DIAPH1: variants seen among roughly 807,000 people sequenced by gnomAD.
The protein encoded by DIAPH1 is protein diaphanous homolog 1.
Under a neutral mutation model 140.7 loss-of-function variants are expected in DIAPH1, and 46 were observed. That is an observed-to-expected ratio of 0.33 (90% CI 0.26 to 0.42). The LOEUF (loss-of-function observed/expected upper bound fraction) is 0.42. Among genes scored for constraint, DIAPH1 ranks in the 10% least tolerant of loss-of-function variants. The pLI is 1.00. For synonymous variants in DIAPH1, 565 were observed against 551.6 expected, an observed-to-expected ratio of 1.02 and a Z score of -0.34; for missense variants, 1,310 against 1,558.7, an observed-to-expected ratio of 0.84 and a Z score of 2.69.
intron 3 of DIAPH1, among the ~76,000 whole-genome samples, chr5:141,584,800 A>C (rs932071101): frequency 3.9e-5 from 6 of 152,202 alleles, no homozygotes; most frequent in African/African-American, 1.4e-4. Flanking sequence ...CATATATAAC[A>C]ACCATGTGTC....
chr5:141,528,337 A>T, intron 23 of DIAPH1, 116 bp downstream of exon 23: 1 of 1,470,234 alleles, frequency 6.8e-7, no homozygotes, highest in Non-Finnish European at 9.4e-7. Context: ...CCTAAATCCT[A>T]TCTCATTTCC....
chr5:141,577,212 T>G (rs2099896093), intron 12 of DIAPH1, among the ~76,000 whole-genome samples: 1 of 152,232 alleles, frequency 6.6e-6, no homozygotes, highest in African/African-American at 2.4e-5. Flanking sequence ...CACTTCTGTT[T>G]GCTAACATCT....
chr5:141,531,632 C>T (rs1181958264), intron 19 of DIAPH1, among the ~76,000 whole-genome samples: 1 of 152,084 alleles, frequency 6.6e-6, no homozygotes, highest in Non-Finnish European at 1.5e-5. Context: ...GGATTATAGG[C>T]GTGCTCCACC....
At chr5:141,602,613 C>A (rs566251939) in intron 1 of DIAPH1, among the ~76,000 whole-genome samples, 67 of 152,286 alleles carry the variant, frequency 4.4e-4, no homozygotes, top group Non-Finnish European at 6.2e-4. Flanking sequence ...CTCTAGGGTT[C>A]TGTTGTCTCA....
chr5:141,596,483 AAAATAAAT>A (rs550056548), intron 1 of DIAPH1, among the ~76,000 whole-genome samples: 50 of 152,176 alleles, frequency 3.3e-4, no homozygotes, highest in African/African-American at 1.2e-3. Context: ...AGACAATCTC[AAAATAAAT>A]AAATAAATAA....
At chr5:141,580,365 G>C (rs1281701548) in intron 8 of DIAPH1, among the ~76,000 whole-genome samples, 2 of 151,974 alleles carry the variant, frequency 1.3e-5, no homozygotes, top group Non-Finnish European at 2.9e-5. Context: ...AATAGGATTT[G>C]GCAAAGGGAT....
chr5:141,573,351 C>T lies in DIAPH1; in HGVS notation c.2358+141G>A, dbSNP rs553370194. The stretch of plus-strand genomic sequence containing the variant: ...ACGGGAGGCTGAGGCAGGAGAATGG[C>T]GTGAACCCGGGAGGCGGAGCTTGCA... On this transcript the variant is annotated intron_variant, in intron 16 of 27. Coordinates refer to ENST00000389054, the MANE Select transcript of DIAPH1 (RefSeq NM_005219.5). The T allele has an allele frequency of 4.2e-3, 4,268 of 1,007,220 alleles. 26 individuals carry two copies. Among genetic ancestry groups the T allele is most frequent in the Admixed American group, 8.9e-3 (392 of 44,088 alleles). 62.4% of individuals were successfully genotyped at this position (1,007,220 alleles called of 1,614,324 possible).
intron 19 of DIAPH1, among the ~76,000 whole-genome samples, chr5:141,530,365 T>C (rs1408748617): frequency 6.6e-6 from 1 of 152,186 alleles, no homozygotes; most frequent in Non-Finnish European, 1.5e-5. Context: ...GTTCATTTGC[T>C]CTCTACTATG....
At chr5:141,526,494 A>G (rs767123588) in intron 24 of DIAPH1, 33 bp from the exon 25 acceptor site, 9 of 1,613,894 alleles carry the variant, frequency 5.6e-6, no homozygotes, top group Middle Eastern at 1.6e-4. Flanking sequence ...CAAGACCAAG[A>G]CCAAGAAGCA....
chr5:141,544,159 A>G (rs1340308993), intron 18 of DIAPH1, among the ~76,000 whole-genome samples: 1 of 152,060 alleles, frequency 6.6e-6, no homozygotes, highest in Non-Finnish European at 1.5e-5. Flanking sequence ...AAATACAAAA[A>G]ATTAGCCGGG....
rs748823037 is a variant in DIAPH1, at chr5:141,528,947, A to G, written c.2779-6T>C. On this transcript the variant is annotated splice_polypyrimidine_tract_variant and splice_region_variant and intron_variant, in intron 21 of 27. Coordinates refer to ENST00000389054, the MANE Select transcript of DIAPH1 (RefSeq NM_005219.5). Reference sequence around the variant, plus strand: ...AGTCGGGGCACAGTGCCCATCTAGTAAAGAACACAAGCAGTTCCATTACAG... The same window carrying G: ...AGTCGGGGCACAGTGCCCATCTAGTGAAGAACACAAGCAGTTCCATTACAG... 33 of 1,613,638 alleles carry G rather than the reference A, an allele frequency of 2.0e-5. No individual in the cohort carries two copies. The South Asian group carries it at 3.2e-4, about 16-fold the overall frequency.
chr5:141,523,160 C>T (rs887368079), intron 27 of DIAPH1, among the ~76,000 whole-genome samples: 2 of 152,194 alleles, frequency 1.3e-5, no homozygotes, highest in Admixed American at 1.3e-4. Context: ...TTACAATAAT[C>T]TCAAAGTATA....
At chr5:141,571,835 T>A in intron 17 of DIAPH1, 91 bp downstream of exon 17, 1 of 918,088 alleles carries the variant, frequency 1.1e-6, no homozygotes, top group Non-Finnish European at 1.8e-6. Flanking sequence ...CTTTCTATCT[T>A]CACCCAGGGA....
intron 1 of DIAPH1, among the ~76,000 whole-genome samples, chr5:141,589,724 T>C (rs1024796930): frequency 3.9e-5 from 6 of 152,038 alleles, no homozygotes; most frequent in Admixed American, 6.6e-5. Context: ...TTGACATGGA[T>C]CATATGACTG....
intron 1 of DIAPH1, among the ~76,000 whole-genome samples, chr5:141,591,696 A>G (rs1347432996): frequency 4.3e-5 from 1 of 23,320 alleles, no homozygotes; most frequent in Non-Finnish European, 8.4e-5. Flanking sequence ...GGAGATGGGG[A>G]TATATATATA....
At chr5:141,522,195 T>C (rs1040142558) in intron 27 of DIAPH1, among the ~76,000 whole-genome samples, 1 of 152,242 alleles carries the variant, frequency 6.6e-6, no homozygotes, top group African/African-American at 2.4e-5. Context: ...GTGTATTTAG[T>C]GGACCCAGAG....
In DIAPH1 at chr5:141,528,712, A is replaced by C. The variant is rs1203559312; in HGVS notation, c.3008T>G (p.Phe1003Cys). 1 of 1,614,232 alleles carries C rather than the reference A, an allele frequency of 6.2e-7. No homozygotes were observed. The highest frequency in any genetic ancestry group is 1.7e-5 in the Admixed American group (1 of 60,022). Reference protein sequence around the residue: ...NAGAFGFNISFLCKLRDTKST... With the variant: ...NAGAFGFNISCLCKLRDTKST... ...ACCTCTTTGGCTCACCTTACAGAGG[A>C]AGCTGATATTGAAGCCAAAAGCACC... is the stretch of plus-strand genomic sequence containing the variant. Residue 1003 changes from phenylalanine (F) to cysteine (C), a missense_variant, in exon 22 of 28, where the codon TTC becomes TGC. By Grantham distance (205) the Phe-to-Cys change is radical (BLOSUM62 -2). This residue lies in a region of DIAPH1 where 344 missense variants were observed against 512.2 expected (regional missense o/e 0.67). Coordinates refer to ENST00000389054, the MANE Select transcript of DIAPH1 (RefSeq NM_005219.5).
At chr5:141,568,109 G>A (rs1187657318) in intron 18 of DIAPH1, among the ~76,000 whole-genome samples, 1 of 152,082 alleles carries the variant, frequency 6.6e-6, no homozygotes, top group Non-Finnish European at 1.5e-5. Context: ...ATTTATTTAA[G>A]ACATGAGTTA....
At chr5:141,541,113 C>T (rs1052640646) in intron 18 of DIAPH1, among the ~76,000 whole-genome samples, 10 of 152,078 alleles carry the variant, frequency 6.6e-5, no homozygotes, top group Non-Finnish European at 1.2e-4. Flanking sequence ...TGAAAGAGTC[C>T]TGCCAATGAA....
Sources: gnomAD v4.1 joint callset for allele counts (sites outside exome capture counted in the v4.1 genomes callset) on GRCh38, gnomAD v4.1.1 for gene constraint, gnomAD v4.1.1 regional missense constraint, MANE v1.5 for transcripts, NCBI Gene and HGNC (gene_info 2026-07-23, HGNC 2026-07-21) for gene names.